ITGA2: variants seen among roughly 807,000 people sequenced by gnomAD.
ITGA2 encodes integrin subunit alpha 2.
Under a neutral mutation model 146.3 loss-of-function variants are expected in ITGA2, and 101 were observed. That is an observed-to-expected ratio of 0.69 (90% CI 0.59 to 0.81). The LOEUF is 0.81. ITGA2 is among the 40% of genes least tolerant of loss of function. The pLI is 0.00. For missense variants in ITGA2, 1,281 were observed against 1,402.7 expected (o/e 0.91, Z 1.39); for synonymous variants, 477 against 487.1 (o/e 0.98, Z 0.27).
chr5:53,058,630 G>A (rs924459631), intron 10 of ITGA2, among the ~76,000 whole-genome samples: 1 of 151,626 alleles, frequency 6.6e-6, no homozygotes, highest in African/African-American at 2.4e-5. Context: ...CACCTCCTGG[G>A]CCCCTGATTC....
chr5:53,078,929 A>C (rs1745784349), intron 24 of ITGA2, 55 bp downstream of exon 24: 2 of 974,980 alleles, frequency 2.1e-6, no homozygotes, highest in Admixed American at 1.7e-5. Context: ...GAAGAAAAAA[A>C]ATGAGTCTGG....
chr5:53,080,515 C>T lies in ITGA2; in HGVS notation c.2933C>T (p.Thr978Ile). Residue 978 changes from threonine to isoleucine, a missense_variant, in exon 25 of 30, where the codon ACA becomes ATA. Physicochemically the swap from Thr to Ile is moderately conservative, Grantham distance 89. Transcript: ENST00000296585. ...GPKFIFSLKV[T>I]TGSVPVSMAT... ...CACATTTTATTCTCTACATAGGTAA[C>T]AACAGGAAGTGTTCCAGTAAGCATG... 1 of 1,611,264 alleles carries T rather than the reference C, an allele frequency of 6.2e-7. No homozygotes were observed. Among genetic ancestry groups the T allele is most frequent in the Non-Finnish European group, 8.5e-7 (1 of 1,177,600 alleles).
chr5:53,085,863 G>T (rs1746131865), intron 27 of ITGA2, among the ~76,000 whole-genome samples: 1 of 152,100 alleles, frequency 6.6e-6, no homozygotes, highest in African/African-American at 2.4e-5. Context: ...CTAATGTAGA[G>T]AAAATAGTGA....
Position 53,042,122 on chromosome 5 carries a change from G to T in ITGA2, c.196G>T (p.Gly66Cys). Residue 66 changes from glycine to cysteine, a missense_variant, in exon 3 of 30, where the codon GGT becomes TGT. Transcript: ENST00000296585. ...INPKGNWLLVGSPWSGFPENR... is the reference protein window; with the variant it reads ...INPKGNWLLVCSPWSGFPENR... The stretch of plus-strand genomic sequence containing the variant: ...AAAATGTGTTTCTAGGTTACTGGTT[G>T]GTTCACCCTGGAGTGGCTTTCCTGA... 2 of 1,608,334 alleles carry T rather than the reference G, an allele frequency of 1.2e-6. No individual in the cohort carries two copies. Among genetic ancestry groups the T allele is most frequent in the Admixed American group, 3.3e-5 (2 of 59,994 alleles).
chr5:53,047,459 C>T (rs1744146380), intron 4 of ITGA2, among the ~76,000 whole-genome samples: 1 of 152,082 alleles, frequency 6.6e-6, no homozygotes, highest in South Asian at 2.1e-4. Flanking sequence ...AGGATTGGAG[C>T]AGGTATAATG....
chr5:53,048,325 C>A, intron 4 of ITGA2, 38 bp from the exon 5 acceptor site: 1 of 1,488,666 alleles, frequency 6.7e-7, no homozygotes, highest in Non-Finnish European at 9.4e-7. Context: ...TTGCATTTTT[C>A]ATGTGTTTCC....
chr5:53,048,161 G>T (rs1313915689), intron 4 of ITGA2, among the ~76,000 whole-genome samples: 4 of 152,108 alleles, frequency 2.6e-5, no homozygotes, highest in Non-Finnish European at 4.4e-5. Context: ...CTCCCGCAAG[G>T]CTTGCCACTG....
chr5:53,007,196 G>A (rs1473470756), intron 1 of ITGA2, among the ~76,000 whole-genome samples: 1 of 152,142 alleles, frequency 6.6e-6, no homozygotes, highest in Non-Finnish European at 1.5e-5. Context: ...AGTTGCATAA[G>A]TGTGTCAGGC....
intron 2 of ITGA2, among the ~76,000 whole-genome samples, chr5:53,033,737 A>G (rs1168530196): frequency 6.6e-6 from 1 of 150,940 alleles, no homozygotes; most frequent in Non-Finnish European, 1.5e-5. Flanking sequence ...AGCTGGAATT[A>G]TAGGCATGTG....
intron 1 of ITGA2, among the ~76,000 whole-genome samples, chr5:53,024,970 A>G (rs1742870975): frequency 6.6e-6 from 1 of 152,220 alleles, no homozygotes; most frequent in Non-Finnish European, 1.5e-5. Flanking sequence ...GAATTGCTGT[A>G]TAATTGAACT....
At chr5:53,042,299 C>CTGA in intron 3 of ITGA2, 78 bp downstream of exon 3, 3 of 971,578 alleles carry the variant, frequency 3.1e-6, no homozygotes, top group Non-Finnish European at 3.3e-6. Flanking sequence ...AATCATTGTT[C>CTGA]TGTCTTAAAG....
chr5:53,037,436 A>C (rs1422802831), intron 2 of ITGA2, among the ~76,000 whole-genome samples: 1 of 152,234 alleles, frequency 6.6e-6, no homozygotes, highest in Non-Finnish European at 1.5e-5. Context: ...ATACTCACCA[A>C]CATATCCAAT....
intron 1 of ITGA2, among the ~76,000 whole-genome samples, chr5:52,989,812 ACG>A: frequency 1.4e-5 from 1 of 69,452 alleles, no homozygotes; most frequent in Non-Finnish European, 3.5e-5. Flanking sequence ...AGGTACACAC[ACG>A]CACACACACA....
intron 1 of ITGA2, among the ~76,000 whole-genome samples, chr5:52,994,816 G>A (rs1214225481): frequency 6.6e-6 from 1 of 152,112 alleles, no homozygotes; most frequent in Non-Finnish European, 1.5e-5. Flanking sequence ...GATGTCATGT[G>A]TTCACAATTA....
At chr5:53,052,542 A>G (rs1203720994) in intron 7 of ITGA2, among the ~76,000 whole-genome samples, 3 of 152,008 alleles carry the variant, frequency 2.0e-5, no homozygotes, top group Non-Finnish European at 2.9e-5. Flanking sequence ...TTTTACCACC[A>G]TAATTCTTTT....
chr5:53,001,018 C>T (rs1741559349), intron 1 of ITGA2, among the ~76,000 whole-genome samples: 1 of 149,204 alleles, frequency 6.7e-6, no homozygotes, highest in Non-Finnish European at 1.5e-5. Flanking sequence ...TCTCCTGCCT[C>T]AGATTCCTGA....
Position 53,009,590 on chromosome 5 carries a change from A to G in ITGA2, c.65-17158A>G, listed in dbSNP as rs546642097. 2.5e-3 allele frequency among the ~76,000 whole-genome samples: 381 copies of G among 152,230 alleles called. 5 individuals are homozygous for G. The highest frequency in any genetic ancestry group is 8.9e-3 in the African/African-American group (370 of 41,524). On this transcript the variant is annotated intron_variant, in intron 1 of 29. Coordinates refer to ENST00000296585, the MANE Select transcript of ITGA2 (RefSeq NM_002203.4). ...TACCTGCTAGATATAGTAAATTGTGAGAGGAAAGAGATAATTTGAAGGATC... is the reference window on the plus strand; with the variant it reads ...TACCTGCTAGATATAGTAAATTGTGGGAGGAAAGAGATAATTTGAAGGATC...
chr5:53,034,744 G>C (rs1475984123), intron 2 of ITGA2, among the ~76,000 whole-genome samples: 1 of 152,136 alleles, frequency 6.6e-6, no homozygotes, highest in Non-Finnish European at 1.5e-5. Context: ...AGTTGTCTAA[G>C]ACATTTACAT....
intron 6 of ITGA2, among the ~76,000 whole-genome samples, chr5:53,050,378 C>T (rs868072411): frequency 1.1e-4 from 16 of 152,184 alleles, no homozygotes; most frequent in Admixed American, 7.9e-4. Context: ...GGGATTACTA[C>T]CATCTTCCTC....
Sources: allele counts gnomAD v4.1 joint callset (sites outside exome capture counted in the v4.1 genomes callset), GRCh38; gene constraint gnomAD v4.1.1; transcripts MANE v1.5; gene names NCBI Gene and HGNC (gene_info 2026-07-23, HGNC 2026-07-21).